CREB5: variants seen among roughly 807,000 people sequenced by gnomAD.
The protein encoded by CREB5 is cyclic AMP-responsive element-binding protein 5.
In CREB5, 19 loss-of-function variants were observed where a neutral mutation model predicts 57.1. The ratio of observed to expected loss-of-function variants is 0.33; its 90% CI spans 0.23 to 0.49. CREB5 has a LOEUF of 0.49. CREB5 is among the 20% of genes least tolerant of loss of function. CREB5 has a pLI of 0.99. For synonymous variants in CREB5, 238 were observed against 238.3 expected, an observed-to-expected ratio of 1.00 and a Z score of 0.01; for missense variants, 579 against 671.6, an observed-to-expected ratio of 0.86 and a Z score of 1.52.
At chr7:28,741,439 T>C (rs1315319658) in intron 7 of CREB5, among the ~76,000 whole-genome samples, 1 of 144,692 alleles carries the variant, frequency 6.9e-6, no homozygotes, top group Non-Finnish European at 1.5e-5. Flanking sequence ...CCACCTGGAC[T>C]TCAGGGAGAA....
intron 7 of CREB5, among the ~76,000 whole-genome samples, chr7:28,765,826 G>A (rs1805937253): frequency 6.6e-6 from 1 of 152,116 alleles, no homozygotes; most frequent in Non-Finnish European, 1.5e-5. Context: ...TCCAAATATG[G>A]GCCCCCACCA....
At chr7:28,790,685 G>A (rs555942085) in intron 7 of CREB5, among the ~76,000 whole-genome samples, 18 of 152,174 alleles carry the variant, frequency 1.2e-4, no homozygotes, top group African/African-American at 1.7e-4. Flanking sequence ...CGTTTCAATC[G>A]AAACCCAGAG....
Position 28,493,332 on chromosome 7 carries a change from A to G in CREB5, c.76-1574A>G, listed in dbSNP as rs1389357101. Among the ~76,000 whole-genome samples the G allele has an allele frequency of 2.6e-5, 4 of 152,242 alleles. No homozygotes were observed. In the East Asian group the frequency reaches 7.7e-4, roughly 29 times the overall value. ...AGCGGATATTCTGTTAAGTTCAGTT[A>G]CTACAAACATACCAGTCTGAGGCAG... is the stretch of plus-strand genomic sequence containing the variant. On this transcript the variant is annotated intron_variant, in intron 2 of 10. Transcript: ENST00000357727.
At chr7:28,471,379 C>T (rs141059987) in intron 1 of CREB5, among the ~76,000 whole-genome samples, 2 of 152,270 alleles carry the variant, frequency 1.3e-5, no homozygotes, top group African/African-American at 4.8e-5. Context: ...AATGAGTTCA[C>T]TGTACATGTG....
rs1271065442 is a variant in CREB5 at position 28,560,887 on chromosome 7, CGTGTGTGTGCGTGCGCGCGTGCGTGT to C, written c.292-9476_292-9451del. 1.5e-4 allele frequency among the ~76,000 whole-genome samples: 2 copies of C among 13,120 alleles called. 1 individual carries two copies. The highest frequency in any genetic ancestry group is 9.6e-3 in the South Asian group (2 of 208). 8.6% of individuals were successfully genotyped at this position (13,120 alleles called of 152,430 possible). ...GTGCCTGCGTGCGCGTGCGTGCGTG[CGTGTGTGTGCGTGCGCGCGTGCGTGT>C]GCGTGTGTGCGCGTGCGTGTGTGCG... On this transcript the variant is annotated intron_variant, in intron 4 of 10. Coordinates refer to ENST00000357727, the MANE Select transcript of CREB5 (RefSeq NM_182898.4).
At chr7:28,803,113 A>G (rs966429706) in intron 7 of CREB5, among the ~76,000 whole-genome samples, 3 of 152,210 alleles carry the variant, frequency 2.0e-5, no homozygotes, top group Admixed American at 2.0e-4. Flanking sequence ...ATTTGTGTGC[A>G]TGTCTGCTTA....
chr7:28,738,587 T>G (rs566941529), intron 7 of CREB5, among the ~76,000 whole-genome samples: 2 of 152,346 alleles, frequency 1.3e-5, no homozygotes, highest in African/African-American at 4.8e-5. Context: ...GTCATTGCAG[T>G]GAACTTTATC....
intron 4 of CREB5, among the ~76,000 whole-genome samples, chr7:28,546,230 C>A (rs1215403706): frequency 6.6e-6 from 1 of 152,194 alleles, no homozygotes; most frequent in African/African-American, 2.4e-5. Context: ...ATTTCATTCT[C>A]TTTAATGGCC....
intron 5 of CREB5, among the ~76,000 whole-genome samples, chr7:28,683,857 A>T (rs568193512): frequency 1.3e-5 from 2 of 152,226 alleles, no homozygotes; most frequent in African/African-American, 4.8e-5. Context: ...CTAATGTGGT[A>T]TAAGGAAAAT....
chr7:28,578,869 A>G (rs1185271176), intron 5 of CREB5, among the ~76,000 whole-genome samples: 10 of 152,254 alleles, frequency 6.6e-5, no homozygotes. Context: ...TTTAAAGATT[A>G]CATAAACACC....
At chr7:28,485,857 G>C (rs1791523247) in intron 1 of CREB5, among the ~76,000 whole-genome samples, 1 of 152,132 alleles carries the variant, frequency 6.6e-6, no homozygotes, top group African/African-American at 2.4e-5. Context: ...AGACTTAGTA[G>C]TACCTTCTCA....
intron 1 of CREB5, among the ~76,000 whole-genome samples, chr7:28,483,089 C>G (rs10263534): frequency 0.24 from 35,982 of 152,128 alleles, 4,915 homozygotes; most frequent in African/African-American, 0.38. Context: ...ATTTATCCCC[C>G]CTCTGGGCTT....
At chr7:28,390,644 C>G (rs957970737) in intron 1 of CREB5, among the ~76,000 whole-genome samples, 1 of 152,106 alleles carries the variant, frequency 6.6e-6, no homozygotes, top group African/African-American at 2.4e-5. Flanking sequence ...TTCTGTATTT[C>G]TTTTTTACCA....
intron 4 of CREB5, among the ~76,000 whole-genome samples, chr7:28,569,514 A>G (rs1795613513): frequency 6.6e-6 from 1 of 152,194 alleles, no homozygotes; most frequent in South Asian, 2.1e-4. Flanking sequence ...AAGGCATCAG[A>G]AATAAATACA....
chr7:28,425,415 T>C (rs1400356874), intron 1 of CREB5, among the ~76,000 whole-genome samples: 2 of 152,042 alleles, frequency 1.3e-5, no homozygotes. Context: ...AGAAGGTAGA[T>C]TCATGATTGC....
chr7:28,560,949 T>TGCGTGCGTGTGC (rs1795208007), intron 4 of CREB5, among the ~76,000 whole-genome samples: 3 of 34,772 alleles, frequency 8.6e-5, no homozygotes. Context: ...TGCGTGTGTG[T>TGCGTGCGTGTGC]GCGTGTGTGT....
chr7:28,339,183 T>C (rs549466017), intron 1 of CREB5, among the ~76,000 whole-genome samples: 24 of 152,262 alleles, frequency 1.6e-4, no homozygotes, highest in African/African-American at 4.6e-4. Context: ...TGCTTGTAGA[T>C]GTTTGTCAGT....
chr7:28,735,215 A>G (rs1173817637), intron 7 of CREB5, among the ~76,000 whole-genome samples: 1 of 151,924 alleles, frequency 6.6e-6, no homozygotes, highest in Non-Finnish European at 1.5e-5. Flanking sequence ...AAGCTTTCTG[A>G]TTTTTATAGT....
Position 28,524,003 on chromosome 7 carries a change from T to G in CREB5, c.291+16266T>G, listed in dbSNP as rs960215414. Among the ~76,000 whole-genome samples, 8 of 152,146 alleles carry G rather than the reference T, an allele frequency of 5.3e-5. No homozygotes were observed. The South Asian group carries it at 1.2e-3, about 24-fold the overall frequency. Reference sequence around the variant, plus strand: ...ATTCTCAGCACCATTGCCTTACACGTGGAAGGAGCTCTGTGAAGAATTACT... The same window carrying G: ...ATTCTCAGCACCATTGCCTTACACGGGGAAGGAGCTCTGTGAAGAATTACT... On this transcript the variant is annotated intron_variant, in intron 4 of 10. Transcript: ENST00000357727.
Sources: allele counts gnomAD v4.1 joint callset (sites outside exome capture counted in the v4.1 genomes callset), GRCh38; gene constraint gnomAD v4.1.1; transcripts MANE v1.5; gene names NCBI Gene and HGNC (gene_info 2026-07-23, HGNC 2026-07-21).